The following PPIL6 variants were observed in gnomAD, a reference collection of about 807,000 sequenced individuals.
PPIL6 encodes the protein peptidylprolyl isomerase like 6.
PPIL6 carries 39 observed loss-of-function variants against 36.8 expected under a neutral mutation model. The observed-to-expected ratio is 1.06, with a 90% confidence interval of 0.82 to 1.38. The LOEUF (loss-of-function observed/expected upper bound fraction) is 1.38. Ranked by LOEUF, PPIL6 falls within the 40% of genes most tolerant of loss-of-function variation. The pLI is 0.00. For synonymous variants in PPIL6, 123 were observed against 134.1 expected, an observed-to-expected ratio of 0.92 and a Z score of 0.57; for missense variants, 368 against 379.1, an observed-to-expected ratio of 0.97 and a Z score of 0.24.
intron 6 of PPIL6, chr6:109,403,061 T>C (rs1393956937): frequency 1.2e-5 from 18 of 1,532,788 alleles, no homozygotes; most frequent in Non-Finnish European, 1.4e-5. Flanking sequence ...CCAACCCCTC[T>C]GCTTTCCTTC....
intron 6 of PPIL6, among the ~76,000 whole-genome samples, chr6:109,405,752 C>A (rs541720346): frequency 6.6e-6 from 1 of 152,258 alleles, no homozygotes; most frequent in East Asian, 1.9e-4. Context: ...CTGTTCTGAG[C>A]CTCTCCCACC....
intron 5 of PPIL6, 65 bp from the exon 6 acceptor site, chr6:109,419,308 C>T (rs1217886287): frequency 8.8e-7 from 1 of 1,132,268 alleles, no homozygotes; most frequent in Non-Finnish European, 1.3e-6. Flanking sequence ...ACAATAATGA[C>T]AGGGAAAAAA....
intron 5 of PPIL6, among the ~76,000 whole-genome samples, chr6:109,424,821 G>A (rs1394308735): frequency 2.0e-5 from 3 of 152,190 alleles, no homozygotes; most frequent in Non-Finnish European, 4.4e-5. Context: ...ACATCAGGAA[G>A]TTACCCTGTA....
Position 109,392,727 on chromosome 6 carries a change from C to CATTAAAAAA in PPIL6, c.*98_*99insTTTTTTAAT. ...AGGCAACCTACAGTGTCTGCCACGG[C>CATTAAAAAA]TTTCAAATTACAATTTATCAAGTAC... On this transcript the variant is annotated 3_prime_UTR_variant, in exon 8 of 8. Coordinates refer to ENST00000521072, the MANE Select transcript of PPIL6 (RefSeq NM_173672.5). 1.4e-6 allele frequency: 1 copy of CATTAAAAAA among 737,562 alleles called. No individual in the cohort carries two copies. Among genetic ancestry groups the CATTAAAAAA allele is most frequent in the Non-Finnish European group, 2.2e-6 (1 of 450,842 alleles). 45.7% of individuals were successfully genotyped at this position (737,562 alleles called of 1,614,324 possible).
chr6:109,407,657 A>G (rs979367679), intron 6 of PPIL6, among the ~76,000 whole-genome samples: 6 of 152,194 alleles, frequency 3.9e-5, no homozygotes, highest in Admixed American at 1.3e-4. Flanking sequence ...TAATTACTCA[A>G]TGACTTTATC....
At chr6:109,431,043 C>G (rs1363900238) in intron 3 of PPIL6, 114 bp downstream of exon 3, 1 of 770,872 alleles carries the variant, frequency 1.3e-6, no homozygotes, top group Admixed American at 2.5e-5. Flanking sequence ...AGGCTTTAAA[C>G]TTAGTCTCCT....
At chr6:109,414,492 T>TA (rs1773157314) in intron 6 of PPIL6, among the ~76,000 whole-genome samples, 1 of 143,104 alleles carries the variant, frequency 7.0e-6, no homozygotes, top group Non-Finnish European at 1.5e-5. Flanking sequence ...TTTTTTTTTT[T>TA]TTTTTTTTTT....
intron 1 of PPIL6, among the ~76,000 whole-genome samples, chr6:109,436,777 C>T (rs1456593527): frequency 6.6e-6 from 1 of 152,032 alleles, no homozygotes; most frequent in Admixed American, 6.6e-5. Context: ...CTTAGTATTC[C>T]TATATTCCCA....
At chr6:109,440,999 C>A, upstream of PPIL6, 2 of 971,940 alleles carry the variant, frequency 2.1e-6, no homozygotes, top group Non-Finnish European at 3.2e-6. Flanking sequence ...TTGGTGCCCA[C>A]CTGTGCGCGC....
intron 3 of PPIL6, among the ~76,000 whole-genome samples, chr6:109,428,569 A>C (rs1773951264): frequency 6.6e-6 from 1 of 151,672 alleles, no homozygotes; most frequent in Admixed American, 6.6e-5. Context: ...AAAAAAAAAA[A>C]AACCACCTTA....
chr6:109,440,086 C>A, intron 1 of PPIL6: 1 of 325,648 alleles, frequency 3.1e-6, no homozygotes, highest in South Asian at 2.3e-5. Context: ...ATATAGTAAT[C>A]ATTTTTCCAT....
intron 6 of PPIL6, among the ~76,000 whole-genome samples, chr6:109,410,378 C>T (rs1050178473): frequency 2.0e-5 from 3 of 152,090 alleles, no homozygotes; most frequent in Non-Finnish European, 4.4e-5. Flanking sequence ...GAACACAACT[C>T]TATAATAAAT....
At chr6:109,400,428 A>AAATT (rs1772481470) in intron 6 of PPIL6, among the ~76,000 whole-genome samples, 1 of 152,230 alleles carries the variant, frequency 6.6e-6, no homozygotes, top group Admixed American at 6.5e-5. Context: ...TGTGCTAAGA[A>AAATT]AATTAATAAT....
intron 5 of PPIL6, among the ~76,000 whole-genome samples, chr6:109,420,539 A>G (rs2115248228): frequency 6.6e-6 from 1 of 152,212 alleles, no homozygotes; most frequent in South Asian, 2.1e-4. Flanking sequence ...TGCTCCCACT[A>G]TAAAAAGACT....
chr6:109,404,346 G>C (rs1469627538), intron 6 of PPIL6, among the ~76,000 whole-genome samples: 1 of 152,222 alleles, frequency 6.6e-6, no homozygotes, highest in African/African-American at 2.4e-5. Context: ...AGGTACAGTG[G>C]ATTCTCATCA....
At chr6:109,415,638 T>C (rs1773214832) in intron 6 of PPIL6, among the ~76,000 whole-genome samples, 1 of 152,230 alleles carries the variant, frequency 6.6e-6, no homozygotes, top group African/African-American at 2.4e-5. Context: ...GGAAACTTGT[T>C]TTGAGCTTGA....
intron 3 of PPIL6, 29 bp from the exon 4 acceptor site, chr6:109,427,185 G>A (rs747097182): frequency 6.5e-7 from 1 of 1,545,426 alleles, no homozygotes; most frequent in African/African-American, 1.4e-5. Context: ...ATCATATAAT[G>A]CAGGTCAAAG....
Position 109,413,611 on chromosome 6 carries a change from G to C in PPIL6, c.688+5576C>G, listed in dbSNP as rs1048280482. On this transcript the variant is annotated intron_variant, in intron 6 of 7. Coordinates refer to ENST00000521072, the MANE Select transcript of PPIL6 (RefSeq NM_173672.5). The surrounding 1 kb of genome is among the most constrained non-coding windows in gnomAD (Gnocchi z 4.6). ...TATGATCCAGGAATCTCACTGCTGG[G>C]TATATACCCAAAAGAAAGGAAATCA... Among the ~76,000 whole-genome samples the C allele has an allele frequency of 6.6e-6, 1 of 152,146 alleles. No homozygotes were observed. Among genetic ancestry groups the C allele is most frequent in the African/African-American group, 2.4e-5 (1 of 41,426 alleles).
At chr6:109,434,141 A>G (rs913288557) in intron 2 of PPIL6, among the ~76,000 whole-genome samples, 14 of 152,248 alleles carry the variant, frequency 9.2e-5, no homozygotes, top group African/African-American at 2.2e-4. Context: ...AGGGTGACCA[A>G]CAGTTTTGGT....
Sources: allele counts gnomAD v4.1 joint callset (sites outside exome capture counted in the v4.1 genomes callset), GRCh38; gene constraint gnomAD v4.1.1; non-coding constraint Gnocchi (gnomAD v3.1); transcripts MANE v1.5; gene names NCBI Gene and HGNC (gene_info 2026-07-23, HGNC 2026-07-21).